RPRD2: variants seen among roughly 807,000 people sequenced by gnomAD.
The protein encoded by RPRD2 is regulation of nuclear pre-mRNA domain-containing protein 2.
Under a neutral mutation model 104.4 loss-of-function variants are expected in RPRD2, and 12 were observed. The observed-to-expected ratio is 0.11, with a 90% CI of 0.07 to 0.19. The LOEUF (loss-of-function observed/expected upper bound fraction) is 0.19, where lower values mean the gene tolerates loss of function less well. RPRD2 is among the 10% of genes least tolerant of loss of function. The pLI, the probability that RPRD2 is intolerant of heterozygous loss-of-function variation, is 1.00. For synonymous variants in RPRD2, 714 were observed against 684.9 expected (o/e 1.04, Z -0.66); for missense variants, 1,543 against 1,790.1 (o/e 0.86, Z 2.49).
At chr1:150,378,880 G>C (rs587726801) in intron 1 of RPRD2, among the ~76,000 whole-genome samples, 10 of 151,692 alleles carry the variant, frequency 6.6e-5, no homozygotes, top group African/African-American at 1.7e-4. Context: ...CCACTTGGGA[G>C]GCTGAGGCAG....
At chr1:150,445,182 G>GA (rs1345824666) in intron 6 of RPRD2, among the ~76,000 whole-genome samples, 1 of 152,054 alleles carries the variant, frequency 6.6e-6, no homozygotes, top group Non-Finnish European at 1.5e-5. Flanking sequence ...CGTCTCTAAA[G>GA]AAAAATTTTT....
At position 150,475,176 on chromosome 1, in the gene RPRD2, G is replaced by C. The variant is rs1456840297; in HGVS notation, c.*1842G>C. On this transcript the variant is annotated 3_prime_UTR_variant, in exon 11 of 11. Coordinates refer to ENST00000369068, the MANE Select transcript of RPRD2 (RefSeq NM_015203.5). ...CCTTACGTGTGGGATGGGGTATGTA[G>C]TGTAGCAAAGAAAAGAAAGTATAGT... The C allele has an allele frequency of 6.6e-6, 1 of 152,072 alleles. No individual in the cohort carries two copies. Among genetic ancestry groups the C allele is most frequent in the Non-Finnish European group, 1.5e-5 (1 of 68,008 alleles). The allele number at this position is 152,072 out of a possible 1,614,324, so 9.4% of individuals were successfully genotyped here.
chr1:150,393,343 A>G (rs1305124939), intron 1 of RPRD2, among the ~76,000 whole-genome samples: 2 of 150,864 alleles, frequency 1.3e-5, no homozygotes, highest in African/African-American at 4.9e-5. Flanking sequence ...CTACAGTCCC[A>G]GCTATTTAGG....
At chr1:150,403,479 A>C (rs868966445) in intron 1 of RPRD2, among the ~76,000 whole-genome samples, 1 of 151,582 alleles carries the variant, frequency 6.6e-6, no homozygotes, top group Non-Finnish European at 1.5e-5. Context: ...GAATTTTTCT[A>C]CTCCTAGATA....
At chr1:150,468,130 ACT>A (rs1477281259) in intron 10 of RPRD2, among the ~76,000 whole-genome samples, 1 of 152,004 alleles carries the variant, frequency 6.6e-6, no homozygotes, top group Non-Finnish European at 1.5e-5. Context: ...GACGAGCAAA[ACT>A]CTGTCTCAAA....
At chr1:150,457,194 AG>A (rs1553897748) in intron 7 of RPRD2, 93 bp from the exon 8 acceptor site, 3 of 1,228,610 alleles carry the variant, frequency 2.4e-6, no homozygotes, top group Middle Eastern at 2.3e-4. Flanking sequence ...ACTACACTCT[AG>A]CCTGGGTGAC....
intron 9 of RPRD2, among the ~76,000 whole-genome samples, chr1:150,460,788 G>C (rs1353409878): frequency 6.6e-6 from 1 of 151,074 alleles, no homozygotes; most frequent in East Asian, 2.0e-4. Flanking sequence ...GAGTGCAATG[G>C]TGCAAACTTC....
At chr1:150,405,432 A>G (rs1572408374) in intron 1 of RPRD2, among the ~76,000 whole-genome samples, 1 of 152,050 alleles carries the variant, frequency 6.6e-6, no homozygotes, top group East Asian at 1.9e-4. Flanking sequence ...ATAGCCTAGT[A>G]CAGAAATATA....
At chr1:150,449,430 G>A (rs1363072890) in intron 7 of RPRD2, among the ~76,000 whole-genome samples, 3 of 151,920 alleles carry the variant, frequency 2.0e-5, no homozygotes, top group Admixed American at 6.6e-5. Context: ...TTTGTCCTAT[G>A]TGTCCTTTTC....
intron 2 of RPRD2, among the ~76,000 whole-genome samples, chr1:150,424,160 C>CT (rs1214489376): frequency 3.3e-5 from 5 of 152,136 alleles, no homozygotes; most frequent in African/African-American, 1.2e-4. Flanking sequence ...ACTAACATGC[C>CT]TTACTTTGTG....
At chr1:150,368,264 CTG>C (rs1273905362) in intron 1 of RPRD2, among the ~76,000 whole-genome samples, 1 of 103,756 alleles carries the variant, frequency 9.6e-6, no homozygotes, top group Non-Finnish European at 2.0e-5. Context: ...TTACATGTAT[CTG>C]TTTTTTATTT....
rs1029469238 is a variant in RPRD2 at position 150,476,050 on chromosome 1, C to T, written c.*2716C>T. On this transcript the variant is annotated 3_prime_UTR_variant, in exon 11 of 11. Coordinates refer to ENST00000369068, the MANE Select transcript of RPRD2 (RefSeq NM_015203.5). ...CAGTGATACAGTTCAGAAATAGGGT[C>T]CTTAAGTATTTTGAAAGAGTTTACT... The T allele has an allele frequency of 6.6e-6, 1 of 152,072 alleles. No homozygotes were observed. The highest frequency in any genetic ancestry group is 6.6e-5 in the Admixed American group (1 of 15,256). 9.4% of individuals were successfully genotyped at this position (152,072 alleles called of 1,614,324 possible).
Position 150,474,265 on chromosome 1 carries a change from C to G in RPRD2, c.*931C>G, listed in dbSNP as rs914208745. 1.3e-5 allele frequency: 2 copies of G among 152,134 alleles called. No individual in the cohort carries two copies. The highest frequency in any genetic ancestry group is 4.8e-5 in the African/African-American group (2 of 41,420). The allele number at this position is 152,134 out of a possible 1,614,324, so 9.4% of individuals were successfully genotyped here. On this transcript the variant is annotated 3_prime_UTR_variant, in exon 11 of 11. Coordinates refer to ENST00000369068, the MANE Select transcript of RPRD2 (RefSeq NM_015203.5). ...TGCATTTTTAAATATAAGAAGTAGACATTAATTTTACCATGGTGCCTCCCT... is the reference window on the plus strand; with the variant it reads ...TGCATTTTTAAATATAAGAAGTAGAGATTAATTTTACCATGGTGCCTCCCT...
In RPRD2 at chr1:150,474,956, C is replaced by T. The variant is rs1384547221; in HGVS notation, c.*1622C>T. Reference sequence around the variant, plus strand: ...TTTTCAGAGAAAGAGCAGCATAAACCAGGTGCACATCATGATTTGGGAGTT... The same window carrying T: ...TTTTCAGAGAAAGAGCAGCATAAACTAGGTGCACATCATGATTTGGGAGTT... On this transcript the variant is annotated 3_prime_UTR_variant, in exon 11 of 11. Transcript: ENST00000369068. 6.6e-6 allele frequency: 1 copy of T among 152,086 alleles called. No homozygotes were observed. Among genetic ancestry groups the T allele is most frequent in the Non-Finnish European group, 1.5e-5 (1 of 68,028 alleles). 9.4% of individuals were successfully genotyped at this position (152,086 alleles called of 1,614,324 possible).
chr1:150,388,363 T>C (rs61817505), intron 1 of RPRD2, among the ~76,000 whole-genome samples: 4 of 80,276 alleles, frequency 5.0e-5, no homozygotes, highest in Non-Finnish European at 1.2e-4. Flanking sequence ...TATACATATA[T>C]ACATGTATAC....
chr1:150,405,671 A>G (rs1483239312), intron 1 of RPRD2, among the ~76,000 whole-genome samples: 1 of 152,164 alleles, frequency 6.6e-6, no homozygotes, highest in Non-Finnish European at 1.5e-5. Flanking sequence ...TGATAATTAC[A>G]GTTTCACTTT....
chr1:150,424,352 C>T (rs754609472), intron 2 of RPRD2, among the ~76,000 whole-genome samples: 5 of 151,926 alleles, frequency 3.3e-5, no homozygotes, highest in Non-Finnish European at 7.4e-5. Flanking sequence ...TGCAGCGGCA[C>T]GATCTCGGCT....
intron 1 of RPRD2, among the ~76,000 whole-genome samples, chr1:150,408,225 C>T (rs147589544): frequency 0.019 from 2,354 of 123,396 alleles, 66 homozygotes; most frequent in African/African-American, 0.069. Context: ...AGTGCAATGG[C>T]GCAATCTTGG....
chr1:150,457,798 C>T lies in RPRD2; in HGVS notation c.1153+228C>T, dbSNP rs186136212. The stretch of plus-strand genomic sequence containing the variant: ...AAAATGCTAGCTACTAGGCCATGGG[C>T]GGTGGCTCATGCCTGTAATCCCAGC... On this transcript the variant is annotated intron_variant, in intron 8 of 10. Transcript: ENST00000369068. Among the ~76,000 whole-genome samples, 773 of 152,220 alleles carry T rather than the reference C, an allele frequency of 5.1e-3. 8 individuals carry two copies. The highest frequency in any genetic ancestry group is 0.017 in the African/African-American group (714 of 41,536).
Sources: allele counts gnomAD v4.1 joint callset (sites outside exome capture counted in the v4.1 genomes callset), GRCh38; gene constraint gnomAD v4.1.1; transcripts MANE v1.5; gene names NCBI Gene and HGNC (gene_info 2026-07-23, HGNC 2026-07-21).